The following CCDC34 variants were observed in gnomAD, a reference collection of about 807,000 sequenced individuals.
CCDC34 encodes the protein coiled-coil domain containing 34.
A neutral mutation model predicts 44.1 loss-of-function variants in CCDC34; 40 were observed. The observed-to-expected ratio is 0.91, with a 90% CI of 0.70 to 1.18. The LOEUF (loss-of-function observed/expected upper bound fraction) is 1.18. Ranked by LOEUF, CCDC34 falls within the 50% of genes most tolerant of loss-of-function variation. The pLI is 0.00. For missense variants in CCDC34, 466 were observed against 452.3 expected (o/e 1.03, Z -0.28); for synonymous variants, 159 against 158.2 (o/e 1.01, Z -0.04).
Position 27,350,387 on chromosome 11 carries a change from C to CT in CCDC34, c.550dup (p.Arg184LysfsTer6), listed in dbSNP as rs2133344527. ...GTGCTTTTCTTCAGCAATTATCTTTCTTTTTTCACGTTCTTCCATTTCTTT... is the reference window on the plus strand; with the variant it reads ...GTGCTTTTCTTCAGCAATTATCTTTCTTTTTTTCACGTTCTTCCATTTCTTT... On this transcript the variant is annotated frameshift_variant, in exon 3 of 6. Coordinates refer to ENST00000328697, the MANE Select transcript of CCDC34 (RefSeq NM_030771.2). LOFTEE classifies it high-confidence loss of function. 1 of 1,612,990 alleles carries CT rather than the reference C, an allele frequency of 6.2e-7. No individual in the cohort carries two copies. Among genetic ancestry groups the CT allele is most frequent in the Non-Finnish European group, 8.5e-7 (1 of 1,179,522 alleles).
intron 4 of CCDC34, among the ~76,000 whole-genome samples, chr11:27,341,062 A>G (rs1249636755): frequency 1.3e-5 from 2 of 152,196 alleles, no homozygotes; most frequent in African/African-American, 4.8e-5. Flanking sequence ...CCACAAAGAA[A>G]AAAGTATTTG....
At chr11:27,341,258 T>G (rs1426713309) in intron 4 of CCDC34, 134 bp downstream of exon 4, 5 of 560,084 alleles carry the variant, frequency 8.9e-6, no homozygotes, top group African/African-American at 7.7e-5. Context: ...AAACACAGCG[T>G]AACAGGATAG....
chr11:27,347,504 T>C (rs1229134613), intron 3 of CCDC34, among the ~76,000 whole-genome samples: 1 of 152,062 alleles, frequency 6.6e-6, no homozygotes, highest in Non-Finnish European at 1.5e-5. Context: ...TTCTATGAAA[T>C]TGAATGAAAC....
At chr11:27,351,868 G>T (rs551820436) in intron 2 of CCDC34, among the ~76,000 whole-genome samples, 166 of 152,228 alleles carry the variant, frequency 1.1e-3, no homozygotes, top group African/African-American at 3.8e-3. Flanking sequence ...TTGGGAGGTG[G>T]GAGGGGGTAG....
chr11:27,354,844 G>C (rs1430955478), intron 2 of CCDC34, among the ~76,000 whole-genome samples: 2 of 152,186 alleles, frequency 1.3e-5, no homozygotes, highest in Non-Finnish European at 2.9e-5. Flanking sequence ...GGGTGACAGA[G>C]TGAGACCCTG....
rs536385112 is a variant in CCDC34 at position 27,339,555 on chromosome 11, G to A, written c.908-520C>T. The stretch of plus-strand genomic sequence containing the variant: ...CACTGTAATTGTGATTATGAGTTAC[G>A]GAGCATTCTTTTGCTAATGTATATG... On this transcript the variant is annotated intron_variant, in intron 5 of 5. Transcript: ENST00000328697. 1.6e-4 allele frequency among the ~76,000 whole-genome samples: 24 copies of A among 152,232 alleles called. 1 individual carries two copies. Among genetic ancestry groups the A allele is most frequent in the East Asian group, 1.9e-4 (1 of 5,186 alleles).
At chr11:27,340,458 T>C (rs893878671) in intron 5 of CCDC34, among the ~76,000 whole-genome samples, 1 of 152,234 alleles carries the variant, frequency 6.6e-6, no homozygotes, top group Non-Finnish European at 1.5e-5. Flanking sequence ...TACAAATCAC[T>C]ACTTTAAAGA....
intron 1 of CCDC34, among the ~76,000 whole-genome samples, chr11:27,362,239 G>T (rs1862675301): frequency 6.6e-6 from 1 of 152,122 alleles, no homozygotes; most frequent in South Asian, 2.1e-4. Context: ...AACAAATTAA[G>T]ACAGTTTTAA....
Position 27,341,380 on chromosome 11 carries a change from T to C in CCDC34, c.765+12A>G, listed in dbSNP as rs556960386. The stretch of plus-strand genomic sequence containing the variant: ...AGTTATGTATTCTAACTGGTCACTT[T>C]AATAAAAATACCTTTTCTTTCTTCT... On this transcript the variant is annotated intron_variant, in intron 4 of 5. Transcript: ENST00000328697. The C allele has an allele frequency of 6.9e-6, 10 of 1,439,920 alleles. 1 individual carries two copies. The East Asian group carries it at 1.9e-4, about 27-fold the overall frequency. The allele number at this position is 1,439,920 out of a possible 1,614,324, so 89.2% of individuals were successfully genotyped here.
intron 5 of CCDC34, 92 bp downstream of exon 5, chr11:27,340,604 T>A: frequency 7.8e-7 from 1 of 1,283,772 alleles, no homozygotes; most frequent in African/African-American, 1.5e-5. Context: ...GAAAGAAAAA[T>A]AATTTTTACA....
chr11:27,354,594 C>T (rs1035021268), intron 2 of CCDC34, among the ~76,000 whole-genome samples: 3 of 152,050 alleles, frequency 2.0e-5, no homozygotes, highest in African/African-American at 7.2e-5. Context: ...AACCAGGCAC[C>T]GTGGCTCACA....
At chr11:27,340,076 C>A (rs1226721861) in intron 5 of CCDC34, among the ~76,000 whole-genome samples, 1 of 152,042 alleles carries the variant, frequency 6.6e-6, no homozygotes, top group African/African-American at 2.4e-5. Flanking sequence ...ACACTCACTT[C>A]ACCAAGATGG....
At chr11:27,344,525 T>C (rs1166572028) in intron 3 of CCDC34, among the ~76,000 whole-genome samples, 3 of 151,584 alleles carry the variant, frequency 2.0e-5, no homozygotes, top group Non-Finnish European at 1.5e-5. Flanking sequence ...TAAACCTGTG[T>C]TGTACATACG....
At chr11:27,339,631 A>C (rs1862325426) in intron 5 of CCDC34, among the ~76,000 whole-genome samples, 1 of 152,166 alleles carries the variant, frequency 6.6e-6, no homozygotes, top group Admixed American at 6.5e-5. Context: ...CATTTGAAGG[A>C]AGAACATTTT....
chr11:27,356,629 G>A (rs1862579707), intron 2 of CCDC34, among the ~76,000 whole-genome samples: 1 of 151,654 alleles, frequency 6.6e-6, no homozygotes, highest in Non-Finnish European at 1.5e-5. Flanking sequence ...TGGTTGCCAT[G>A]TTCTGAAACA....
chr11:27,344,568 G>A (rs57675549), intron 3 of CCDC34, among the ~76,000 whole-genome samples: 3,828 of 151,074 alleles, frequency 0.025, 152 homozygotes, highest in African/African-American at 0.081. Flanking sequence ...TATATATCAG[G>A]AACAAGGCAA....
At chr11:27,353,682 CTCAAA>C (rs1443790944) in intron 2 of CCDC34, among the ~76,000 whole-genome samples, 2 of 151,970 alleles carry the variant, frequency 1.3e-5, no homozygotes, top group Non-Finnish European at 2.9e-5. Context: ...ATGTCTGATG[CTCAAA>C]TCAAATTTAT....
At chr11:27,350,087 C>T (rs2133344233) in intron 3 of CCDC34, 1 of 1,352,900 alleles carries the variant, frequency 7.4e-7, no homozygotes, top group Non-Finnish European at 9.5e-7. Context: ...CCTAGAAATA[C>T]AGACTTGGTG....
intron 3 of CCDC34, among the ~76,000 whole-genome samples, chr11:27,344,589 CTCA>C (rs1862408677): frequency 6.6e-6 from 1 of 151,254 alleles, no homozygotes; most frequent in Non-Finnish European, 1.5e-5. Flanking sequence ...GATAACTGCC[CTCA>C]TCAGCAAAAA....
Sources: gnomAD v4.1 joint callset for allele counts (sites outside exome capture counted in the v4.1 genomes callset) on GRCh38, gnomAD v4.1.1 for gene constraint, MANE v1.5 for transcripts, NCBI Gene and HGNC (gene_info 2026-07-23, HGNC 2026-07-21) for gene names.